Variants in SLC35D4 observed in about 807,000 individuals in gnomAD.
SLC35D4 encodes solute carrier family 35 member D4.
At chr18:23,412,718 T>C in the SLC35D4 span, among the ~76,000 whole-genome samples, 3 of 152,310 alleles carry the variant, frequency 2.0e-5, no homozygotes, top group East Asian at 3.9e-4. Context: ...CTATGGCCCA[T>C]AGACCAAACC....
chr18:23,255,514 G>A, the SLC35D4 span, among the ~76,000 whole-genome samples: 1 of 151,928 alleles, frequency 6.6e-6, no homozygotes, highest in Non-Finnish European at 1.5e-5. Context: ...CCAACTCTGA[G>A]CTGAGAATCA....
the SLC35D4 span, among the ~76,000 whole-genome samples, chr18:23,289,636 A>G: frequency 6.6e-6 from 1 of 152,220 alleles, no homozygotes; most frequent in African/African-American, 2.4e-5. Flanking sequence ...TCTTATTAAT[A>G]TAAGAAGACA....
chr18:23,319,658 C>T, the SLC35D4 span, among the ~76,000 whole-genome samples: 1 of 152,176 alleles, frequency 6.6e-6, no homozygotes, highest in Non-Finnish European at 1.5e-5. Flanking sequence ...AGGCTGGTCT[C>T]AAACTCCTGA....
chr18:23,268,195 T>C, the SLC35D4 span, among the ~76,000 whole-genome samples: 4 of 152,088 alleles, frequency 2.6e-5, no homozygotes, highest in African/African-American at 2.4e-5. Flanking sequence ...AGAGGAAGAA[T>C]ATGAGGAGAA....
the SLC35D4 span, among the ~76,000 whole-genome samples, chr18:23,285,159 C>T: frequency 2.0e-5 from 3 of 151,970 alleles, no homozygotes; most frequent in African/African-American, 7.2e-5. Flanking sequence ...TATTTCCGCA[C>T]CCCGACCTCT....
chr18:23,437,690 A>G, the SLC35D4 span: 1 of 1,360,838 alleles, frequency 7.3e-7, no homozygotes, highest in Admixed American at 2.3e-5. Flanking sequence ...GAATGAGGTA[A>G]AAAGCAGGAG....
At chr18:23,343,900 C>CTTT in the SLC35D4 span, among the ~76,000 whole-genome samples, 2 of 140,930 alleles carry the variant, frequency 1.4e-5, no homozygotes, top group Admixed American at 7.1e-5. Context: ...TGATCTCATT[C>CTTT]TTTTTTTTTT....
chr18:23,424,025 C>T, the SLC35D4 span, among the ~76,000 whole-genome samples: 1 of 152,116 alleles, frequency 6.6e-6, no homozygotes, highest in Non-Finnish European at 1.5e-5. Context: ...TGGGGAAGCT[C>T]CCTCTCTTTA....
chr18:23,274,761 C>A, the SLC35D4 span, among the ~76,000 whole-genome samples: 4 of 152,330 alleles, frequency 2.6e-5, no homozygotes, highest in Admixed American at 2.0e-4. Flanking sequence ...GGGGAAAGCC[C>A]CATCTCCCTC....
At chr18:23,311,528 T>C in the SLC35D4 span, among the ~76,000 whole-genome samples, 9 of 152,160 alleles carry the variant, frequency 5.9e-5, no homozygotes, top group African/African-American at 2.2e-4. Flanking sequence ...ACCACATAAG[T>C]GAGTTCATCA....
At chr18:23,265,501 G>A in the SLC35D4 span, among the ~76,000 whole-genome samples, 17 of 150,066 alleles carry the variant, frequency 1.1e-4, no homozygotes, top group Admixed American at 4.7e-4. Context: ...AGTAGGAATC[G>A]TCCCCCCAAA....
At chr18:23,296,668 G>A in the SLC35D4 span, 1 of 152,082 alleles carries the variant, frequency 6.6e-6, no homozygotes, top group African/African-American at 2.4e-5. Context: ...AGTGTTCAAT[G>A]ATTTGAAATC....
chr18:23,275,021 G>GTGTGAGTGTGCGTATGCGCT, the SLC35D4 span, among the ~76,000 whole-genome samples: 28 of 149,342 alleles, frequency 1.9e-4, no homozygotes, highest in African/African-American at 5.1e-4. Flanking sequence ...GTGTGTGCTT[G>GTGTGAGTGTGCGTATGCGCT]TGTGTCTGCT....
the SLC35D4 span, among the ~76,000 whole-genome samples, chr18:23,338,752 G>C: frequency 6.6e-6 from 1 of 152,120 alleles, no homozygotes; most frequent in Non-Finnish European, 1.5e-5. Context: ...CCTTGACTCT[G>C]TGCCCAACTT....
At chr18:23,263,566 C>T in the SLC35D4 span, among the ~76,000 whole-genome samples, 1 of 152,236 alleles carries the variant, frequency 6.6e-6, no homozygotes, top group Admixed American at 6.5e-5. Context: ...TGTTCACGTC[C>T]ACCAACATTT....
chr18:23,286,085 C>T, the SLC35D4 span, among the ~76,000 whole-genome samples: 4 of 152,180 alleles, frequency 2.6e-5, no homozygotes, highest in Non-Finnish European at 5.9e-5. Flanking sequence ...TTAAATAAAA[C>T]TCCAAAAATT....
chr18:23,324,047 C>T, the SLC35D4 span, among the ~76,000 whole-genome samples: 23 of 150,566 alleles, frequency 1.5e-4, no homozygotes, highest in Admixed American at 1.5e-3. Flanking sequence ...CACACCACCG[C>T]ACTCCACCCT....
chr18:23,267,775 G>A, the SLC35D4 span, among the ~76,000 whole-genome samples: 1 of 152,188 alleles, frequency 6.6e-6, no homozygotes, highest in Non-Finnish European at 1.5e-5. Flanking sequence ...GGCTGCACTA[G>A]GGTGTCCTGT....
chr18:23,363,570 T>A, the SLC35D4 span, among the ~76,000 whole-genome samples: 2 of 151,496 alleles, frequency 1.3e-5, no homozygotes, highest in African/African-American at 2.4e-5. Context: ...GAGACGGGGT[T>A]TCACCGTGTT....
Sources: gnomAD v4.1 joint callset for allele counts (sites outside exome capture counted in the v4.1 genomes callset) on GRCh38, gnomAD v4.1.1 for gene constraint, MANE v1.5 for transcripts, NCBI Gene and HGNC (gene_info 2026-07-23, HGNC 2026-07-21) for gene names.